The following TAB2 variants were observed in gnomAD, a reference collection of about 807,000 sequenced individuals.
TAB2 encodes the protein TGF-beta-activated kinase 1 and MAP3K7-binding protein 2.
In TAB2, 3 loss-of-function variants were observed where a neutral mutation model predicts 65.0. The observed-to-expected ratio is 0.05, with a 90% CI of 0.02 to 0.12. The LOEUF is 0.12. TAB2 is among the 10% of genes least tolerant of loss of function. The probability of loss-of-function intolerance (pLI) is 1.00; values close to 1 mark genes in which losing one functional copy is unlikely to be tolerated. For synonymous variants in TAB2, 298 were observed against 285.1 expected (o/e 1.05, Z -0.46); for missense variants, 623 against 840.3 (o/e 0.74, Z 3.20).
chr6:149,289,402 A>AG (rs1183885355), intron 1 of TAB2, among the ~76,000 whole-genome samples: 1 of 151,912 alleles, frequency 6.6e-6, no homozygotes, highest in Non-Finnish European at 1.5e-5. Context: ...TCTAAAAAAA[A>AG]AAAAGGCCAA....
At chr6:149,355,616 G>A (rs866606118) in intron 1 of TAB2, among the ~76,000 whole-genome samples, 5 of 148,750 alleles carry the variant, frequency 3.4e-5, no homozygotes, top group Middle Eastern at 3.5e-3. Flanking sequence ...GCAATGAGTC[G>A]AGGTCACACC....
At chr6:149,296,056 AT>A (rs549279212) in intron 1 of TAB2, among the ~76,000 whole-genome samples, 80 of 152,338 alleles carry the variant, frequency 5.3e-4, no homozygotes, top group African/African-American at 1.9e-3. Context: ...GGCATAAGCC[AT>A]TGCACCAGGC....
intron 3 of TAB2, among the ~76,000 whole-genome samples, chr6:149,383,162 A>G (rs774954597): frequency 6.6e-6 from 1 of 151,724 alleles, no homozygotes; most frequent in South Asian, 2.1e-4. Flanking sequence ...TCAAAAAAAT[A>G]AAGAAGAAAA....
chr6:149,306,778 G>A (rs1224005348), intron 1 of TAB2, among the ~76,000 whole-genome samples: 2 of 152,094 alleles, frequency 1.3e-5, no homozygotes, highest in Non-Finnish European at 2.9e-5. Flanking sequence ...TGTGTGCTGG[G>A]CATCCTGCCC....
intron 1 of TAB2, among the ~76,000 whole-genome samples, chr6:149,322,624 G>A (rs904645056): frequency 6.6e-6 from 1 of 152,120 alleles, no homozygotes; most frequent in African/African-American, 2.4e-5. Flanking sequence ...GTGTAAAATG[G>A]ATACGATATC....
chr6:149,315,117 C>T (rs1003058806), upstream of TAB2, among the ~76,000 whole-genome samples: 2 of 152,150 alleles, frequency 1.3e-5, no homozygotes, highest in Non-Finnish European at 2.9e-5. Context: ...AGGGACAGTT[C>T]CATTGTAAAA....
chr6:149,289,727 T>A (rs1294325395), intron 1 of TAB2, among the ~76,000 whole-genome samples: 2 of 152,242 alleles, frequency 1.3e-5, no homozygotes, highest in Non-Finnish European at 2.9e-5. Context: ...GAGTAACCAA[T>A]GGCCTGTGAC....
intron 1 of TAB2, among the ~76,000 whole-genome samples, chr6:149,284,516 G>A (rs190581843): frequency 7.9e-5 from 12 of 152,128 alleles, no homozygotes; most frequent in South Asian, 2.1e-4. Flanking sequence ...CACATATTAC[G>A]TGCTCAACAA....
intron 6 of TAB2, among the ~76,000 whole-genome samples, chr6:149,406,414 G>C (rs948708877): frequency 1.3e-5 from 2 of 152,164 alleles, no homozygotes; most frequent in African/African-American, 4.8e-5. Flanking sequence ...GAAAAGGAGA[G>C]GTTGAGAAAA....
intron 1 of TAB2, among the ~76,000 whole-genome samples, chr6:149,308,607 T>C (rs1381229392): frequency 6.6e-6 from 1 of 151,932 alleles, no homozygotes; most frequent in Admixed American, 6.6e-5. Context: ...AGGCTCACCG[T>C]AACCTCCGCC....
At chr6:149,251,559 G>A (rs774912090) in intron 1 of TAB2, among the ~76,000 whole-genome samples, 7 of 152,070 alleles carry the variant, frequency 4.6e-5, no homozygotes, top group East Asian at 3.8e-4. Context: ...GGCAGCCCAC[G>A]GACCCATGGC....
chr6:149,282,357 C>G (rs960513617), intron 1 of TAB2, among the ~76,000 whole-genome samples: 1 of 151,886 alleles, frequency 6.6e-6, no homozygotes, highest in African/African-American at 2.4e-5. Flanking sequence ...ATTAACAGAA[C>G]AAATAAATAG....
At chr6:149,231,548 G>A (rs1459383902) in intron 1 of TAB2, among the ~76,000 whole-genome samples, 9 of 152,094 alleles carry the variant, frequency 5.9e-5, no homozygotes, top group South Asian at 2.1e-4. Flanking sequence ...AGTTGAACAC[G>A]CTTTAAATGT....
chr6:149,329,771 G>A (rs2114749897), intron 1 of TAB2, among the ~76,000 whole-genome samples: 1 of 152,202 alleles, frequency 6.6e-6, no homozygotes, highest in South Asian at 2.1e-4. Flanking sequence ...ATTTTACTCA[G>A]GATGGGGTAG....
At chr6:149,340,022 ATAT>A (rs951918601) in intron 1 of TAB2, among the ~76,000 whole-genome samples, 37 of 152,342 alleles carry the variant, frequency 2.4e-4, no homozygotes, top group African/African-American at 8.9e-4. Flanking sequence ...TTCTACTGAC[ATAT>A]TATTTGAACT....
chr6:149,224,519 T>C (rs764429379), intron 1 of TAB2, among the ~76,000 whole-genome samples: 1 of 152,214 alleles, frequency 6.6e-6, no homozygotes, highest in Non-Finnish European at 1.5e-5. Flanking sequence ...TGTTATGCTT[T>C]GGCTCCTGGT....
intron 1 of TAB2, among the ~76,000 whole-genome samples, chr6:149,299,318 TC>T (rs1387909831): frequency 6.6e-6 from 1 of 152,196 alleles, no homozygotes; most frequent in Non-Finnish European, 1.5e-5. Context: ...ACGCCCGTAA[TC>T]CCAGCACTTT....
At chr6:149,275,484 A>T (rs1189957517) in intron 1 of TAB2, among the ~76,000 whole-genome samples, 1 of 152,184 alleles carries the variant, frequency 6.6e-6, no homozygotes, top group Non-Finnish European at 1.5e-5. Flanking sequence ...TTGAATAAAT[A>T]AATTTATGGA....
At chr6:149,308,917 CT>C (rs1258235973) in intron 1 of TAB2, among the ~76,000 whole-genome samples, 1 of 152,084 alleles carries the variant, frequency 6.6e-6, no homozygotes, top group African/African-American at 2.4e-5. Context: ...AATATTAACT[CT>C]TAGTTTCTGT....
Sources: gnomAD v4.1 joint callset for allele counts (sites outside exome capture counted in the v4.1 genomes callset) on GRCh38, gnomAD v4.1.1 for gene constraint, MANE v1.5 for transcripts, NCBI Gene and HGNC (gene_info 2026-07-23, HGNC 2026-07-21) for gene names.